BICC1: variants seen among roughly 807,000 people sequenced by gnomAD.
BICC1 encodes protein bicaudal C homolog 1.
Under a neutral mutation model 111.0 loss-of-function variants are expected in BICC1, and 43 were observed. The observed-to-expected ratio is 0.39, with a 90% CI of 0.30 to 0.50. BICC1 has a LOEUF of 0.50. BICC1 is among the 20% of genes least tolerant of loss of function. The pLI, the probability that BICC1 is intolerant of heterozygous loss-of-function variation, is 0.88. For synonymous variants in BICC1, 467 were observed against 434.4 expected, an observed-to-expected ratio of 1.07 and a Z score of -0.93; for missense variants, 1,091 against 1,203.2, an observed-to-expected ratio of 0.91 and a Z score of 1.38.
chr10:58,730,545 A>G (rs1841256011), intron 3 of BICC1, among the ~76,000 whole-genome samples: 1 of 151,840 alleles, frequency 6.6e-6, no homozygotes, highest in South Asian at 2.1e-4. Context: ...CCCCAACCCC[A>G]CATTTCTCCT....
chr10:58,578,901 C>T (rs549045163), intron 1 of BICC1, among the ~76,000 whole-genome samples: 1 of 152,184 alleles, frequency 6.6e-6, no homozygotes. Flanking sequence ...CCTCACCTCT[C>T]GTACACATAA....
intron 1 of BICC1, among the ~76,000 whole-genome samples, chr10:58,575,884 G>A (rs1029041863): frequency 5.9e-5 from 9 of 152,252 alleles, no homozygotes; most frequent in South Asian, 2.1e-4. Context: ...TTTGCAGAGC[G>A]TTATAGCTTT....
intron 1 of BICC1, among the ~76,000 whole-genome samples, chr10:58,576,561 T>G (rs1844119233): frequency 6.6e-6 from 1 of 152,220 alleles, no homozygotes; most frequent in Non-Finnish European, 1.5e-5. Context: ...GAATTTTAGC[T>G]GTCTTACTTC....
At chr10:58,579,029 C>G (rs1227307097) in intron 1 of BICC1, among the ~76,000 whole-genome samples, 3 of 152,162 alleles carry the variant, frequency 2.0e-5, no homozygotes, top group African/African-American at 7.2e-5. Context: ...CATGAAAGTT[C>G]TGGTTCATAA....
intron 3 of BICC1, among the ~76,000 whole-genome samples, chr10:58,734,088 T>A (rs1256638109): frequency 6.6e-6 from 1 of 152,168 alleles, no homozygotes; most frequent in African/African-American, 2.4e-5. Flanking sequence ...TGCACAGGGA[T>A]CTGGGCAAAA....
intron 3 of BICC1, among the ~76,000 whole-genome samples, chr10:58,751,461 T>C (rs1411142383): frequency 6.6e-6 from 1 of 152,150 alleles, no homozygotes; most frequent in African/African-American, 2.4e-5. Context: ...TAAAACCTAA[T>C]GAAGTCCTTT....
intron 2 of BICC1, among the ~76,000 whole-genome samples, chr10:58,635,433 A>G (rs1200875194): frequency 1.3e-5 from 2 of 152,070 alleles, no homozygotes; most frequent in African/African-American, 4.8e-5. Context: ...TTGGAAATTC[A>G]TTTTTTTCAT....
intron 2 of BICC1, among the ~76,000 whole-genome samples, chr10:58,655,014 A>G (rs1028586504): frequency 5.6e-5 from 8 of 144,100 alleles, no homozygotes; most frequent in African/African-American, 2.0e-4. Flanking sequence ...ATTATTTCTG[A>G]GGGCTCTGTT....
At chr10:58,618,709 T>A (rs948922066) in intron 1 of BICC1, among the ~76,000 whole-genome samples, 1 of 152,226 alleles carries the variant, frequency 6.6e-6, no homozygotes, top group African/African-American at 2.4e-5. Context: ...TGTGCAAAAA[T>A]AAAAGTTAAA....
At chr10:58,747,128 A>AT (rs1841857424) in intron 3 of BICC1, among the ~76,000 whole-genome samples, 1 of 152,172 alleles carries the variant, frequency 6.6e-6, no homozygotes, top group South Asian at 2.1e-4. Flanking sequence ...GTATTCTTTT[A>AT]TAAAAAGAGA....
intron 1 of BICC1, among the ~76,000 whole-genome samples, chr10:58,607,968 A>G (rs1285154770): frequency 6.6e-6 from 1 of 152,182 alleles, no homozygotes; most frequent in East Asian, 1.9e-4. Flanking sequence ...ATGGTAATGT[A>G]TGGGACTTGA....
intron 1 of BICC1, among the ~76,000 whole-genome samples, chr10:58,552,776 A>C (rs1206991807): frequency 6.6e-6 from 1 of 152,144 alleles, no homozygotes; most frequent in African/African-American, 2.4e-5. Context: ...TCAGTTGAAC[A>C]CTAGATTGGT....
intron 3 of BICC1, among the ~76,000 whole-genome samples, chr10:58,744,461 T>C (rs1196648442): frequency 6.6e-6 from 1 of 152,104 alleles, no homozygotes; most frequent in East Asian, 1.9e-4. Context: ...CATGCATGCA[T>C]TTTAAAACTT....
At chr10:58,741,517 A>G (rs1219006630) in intron 3 of BICC1, among the ~76,000 whole-genome samples, 2 of 152,214 alleles carry the variant, frequency 1.3e-5, no homozygotes, top group African/African-American at 4.8e-5. Context: ...TTAATTTGGC[A>G]ATATGTTTGG....
chr10:58,516,430 AAAG>A (rs1842243136), intron 1 of BICC1, among the ~76,000 whole-genome samples: 2 of 152,252 alleles, frequency 1.3e-5, no homozygotes, highest in African/African-American at 4.8e-5. Flanking sequence ...TTAAAACTTA[AAAG>A]AATTGTTGCA....
intron 3 of BICC1, among the ~76,000 whole-genome samples, chr10:58,738,901 A>G: frequency 6.6e-6 from 1 of 151,904 alleles, no homozygotes; most frequent in Non-Finnish European, 1.5e-5. Flanking sequence ...TTATTGGTGT[A>G]TAAGAATGCT....
intron 1 of BICC1, among the ~76,000 whole-genome samples, chr10:58,522,607 A>T (rs1465827873): frequency 2.0e-5 from 3 of 152,236 alleles, no homozygotes; most frequent in African/African-American, 4.8e-5. Context: ...AAAGCAGGAA[A>T]GATCTAAAAT....
At chr10:58,695,556 A>C (rs1356970977) in intron 2 of BICC1, among the ~76,000 whole-genome samples, 1 of 152,176 alleles carries the variant, frequency 6.6e-6, no homozygotes, top group East Asian at 1.9e-4. Flanking sequence ...TCCAAGAATA[A>C]ATATTTTTAG....
At chr10:58,804,368 A>C (rs1843647454) in intron 15 of BICC1, among the ~76,000 whole-genome samples, 1 of 151,954 alleles carries the variant, frequency 6.6e-6, no homozygotes, top group Non-Finnish European at 1.5e-5. Context: ...AATTCTAAAA[A>C]ATTAGCAGGG....
Sources: allele counts gnomAD v4.1 joint callset (sites outside exome capture counted in the v4.1 genomes callset), GRCh38; gene constraint gnomAD v4.1.1; transcripts MANE v1.5; gene names NCBI Gene and HGNC (gene_info 2026-07-23, HGNC 2026-07-21).